The following TENM1 variants were observed in gnomAD, a reference collection of about 807,000 sequenced individuals.
The protein encoded by TENM1 is teneurin-1.
Under a neutral mutation model 174.8 loss-of-function variants are expected in TENM1, and 35 were observed. That is an observed-to-expected ratio of 0.20 (90% CI 0.15 to 0.27). TENM1 has a LOEUF of 0.27. Ranked by LOEUF, TENM1 falls within the 10% of genes least tolerant of loss-of-function variation. TENM1 has a pLI of 1.00. For missense variants in TENM1, 1,633 were observed against 2,130.1 expected, an observed-to-expected ratio of 0.77 and a Z score of 4.59; for synonymous variants, 781 against 798.7, an observed-to-expected ratio of 0.98 and a Z score of 0.37.
intron 3 of TENM1, among the ~76,000 whole-genome samples, chrX:124,809,814 G>C (rs375596488): frequency 9.7e-6 from 1 of 103,135 alleles, no homozygotes; most frequent in East Asian, 3.1e-4. Flanking sequence ...AAGGTGAAGG[G>C]GAAGCAAGGC....
intron 18 of TENM1, among the ~76,000 whole-genome samples, chrX:124,516,065 A>G (rs2047696707): frequency 9.0e-6 from 1 of 111,649 alleles, no homozygotes; most frequent in Non-Finnish European, 1.9e-5. Flanking sequence ...CAACCACCTG[A>G]TCCTCAACAA....
At chrX:124,601,158 TGGA>T (rs2050017442) in intron 11 of TENM1, among the ~76,000 whole-genome samples, 1 of 111,676 alleles carries the variant, frequency 9.0e-6, no homozygotes, top group Non-Finnish European at 1.9e-5. Context: ...GGTAAGAAAG[TGGA>T]GAAGTTGAAG....
chrX:125,104,365 A>G, the TENM1 span, among the ~76,000 whole-genome samples: 1 of 112,320 alleles, frequency 8.9e-6, no homozygotes, highest in East Asian at 2.8e-4. Context: ...GTTACTTCCC[A>G]AACTCTTCCT....
chrX:124,541,428 T>C (rs922509210), intron 15 of TENM1, among the ~76,000 whole-genome samples: 5 of 111,827 alleles, frequency 4.5e-5, no homozygotes, highest in Admixed American at 2.8e-4. Flanking sequence ...GTTTGTCACC[T>C]CCTTCTCTCT....
rs779280772 is a variant in TENM1, at chrX:124,403,961, C to A, written c.5391+1070G>T. Among the ~76,000 whole-genome samples the A allele has an allele frequency of 3.6e-5, 4 of 111,195 alleles. No homozygotes were observed. The East Asian group carries it at 1.1e-3, about 32-fold the overall frequency. Reference sequence around the variant, plus strand: ...ATTAGTTTAGTCTGTGCGGTCTAACCCTAGCCAATAGGGGAACGACACAGC... The same window carrying A: ...ATTAGTTTAGTCTGTGCGGTCTAACACTAGCCAATAGGGGAACGACACAGC... On this transcript the variant is annotated intron_variant, in intron 27 of 31. Coordinates refer to ENST00000422452, the Ensembl canonical transcript of TENM1.
At chrX:125,106,506 T>A in the TENM1 span, among the ~76,000 whole-genome samples, 1 of 107,417 alleles carries the variant, frequency 9.3e-6, no homozygotes, top group Admixed American at 1.0e-4. Flanking sequence ...GCCTCCCGGG[T>A]TCACACCATT....
intron 1 of TENM1, among the ~76,000 whole-genome samples, chrX:124,896,469 G>T (rs1434546359): frequency 2.7e-5 from 3 of 111,131 alleles, no homozygotes; most frequent in African/African-American, 9.8e-5. Context: ...TGGAAAAAGC[G>T]CGCCCAAAAT....
chrX:124,462,244 G>C (rs1053374233), intron 22 of TENM1, among the ~76,000 whole-genome samples: 1 of 110,255 alleles, frequency 9.1e-6, no homozygotes, highest in Admixed American at 9.7e-5. Context: ...GCTGCATGCA[G>C]ACCATCCAGT....
intron 11 of TENM1, among the ~76,000 whole-genome samples, chrX:124,596,837 T>C (rs1244812502): frequency 9.0e-6 from 1 of 110,553 alleles, no homozygotes; most frequent in African/African-American, 3.3e-5. Flanking sequence ...ATATTTGCCT[T>C]AGAAAGATCT....
intron 3 of TENM1, among the ~76,000 whole-genome samples, chrX:124,847,033 G>A (rs2056622476): frequency 8.9e-6 from 1 of 111,838 alleles, no homozygotes; most frequent in South Asian, 3.7e-4. Context: ...TTCTTTATGT[G>A]TGGAAATGTC....
the TENM1 span, among the ~76,000 whole-genome samples, chrX:125,141,007 T>C: frequency 9.0e-6 from 1 of 111,668 alleles, no homozygotes; most frequent in South Asian, 3.7e-4. Flanking sequence ...TAAAGTCCAG[T>C]ATTGACGAAA....
intron 3 of TENM1, among the ~76,000 whole-genome samples, chrX:124,874,038 T>G (rs1696795267): frequency 9.0e-6 from 1 of 111,471 alleles, no homozygotes; most frequent in Non-Finnish European, 1.9e-5. Context: ...TTGATAAACA[T>G]CTTGATTGAT....
the TENM1 span, among the ~76,000 whole-genome samples, chrX:125,103,128 G>A: frequency 8.9e-6 from 1 of 112,055 alleles, no homozygotes; most frequent in Non-Finnish European, 1.9e-5. Context: ...AGTCAAAAAT[G>A]TTTACAACTA....
At chrX:124,509,870 G>A (rs947738124) in intron 18 of TENM1, among the ~76,000 whole-genome samples, 13 of 108,568 alleles carry the variant, frequency 1.2e-4, no homozygotes, top group African/African-American at 3.8e-4. Context: ...ACAGGCATGT[G>A]CCACCACGCC....
intron 1 of TENM1, 48 bp from the exon 5 acceptor site, chrX:124,896,289 TC>T: frequency 2.6e-6 from 3 of 1,154,810 alleles, no homozygotes; most frequent in Non-Finnish European, 3.5e-6. Flanking sequence ...TATGAAGAAA[TC>T]CCCCAGAAAA....
the TENM1 span, among the ~76,000 whole-genome samples, chrX:124,973,261 A>T: frequency 9.0e-6 from 1 of 111,379 alleles, no homozygotes; most frequent in Non-Finnish European, 1.9e-5. Context: ...CCATTGGTCT[A>T]TATATTTGTT....
intron 6 of TENM1, among the ~76,000 whole-genome samples, chrX:124,663,962 A>G (rs1304838536): frequency 9.0e-6 from 1 of 111,431 alleles, no homozygotes; most frequent in Non-Finnish European, 1.9e-5. Flanking sequence ...GTATATTGAT[A>G]AAGTGATTTA....
the TENM1 span, among the ~76,000 whole-genome samples, chrX:124,976,253 G>A: frequency 3.6e-5 from 4 of 111,690 alleles, no homozygotes; most frequent in African/African-American, 1.3e-4. Flanking sequence ...CCTCAAAAAT[G>A]TTATAATATG....
At chrX:124,637,123 C>T (rs1329942453) in intron 11 of TENM1, among the ~76,000 whole-genome samples, 1 of 102,515 alleles carries the variant, frequency 9.8e-6, no homozygotes, top group African/African-American at 3.6e-5. Flanking sequence ...GAGTTTCGCT[C>T]TTGTTGCCCA....
Sources: gnomAD v4.1 joint callset for allele counts (sites outside exome capture counted in the v4.1 genomes callset) on GRCh38, gnomAD v4.1.1 for gene constraint, MANE v1.5 for transcripts, NCBI Gene and HGNC (gene_info 2026-07-23, HGNC 2026-07-21) for gene names.